ARHGEF28: variants seen among roughly 807,000 people sequenced by gnomAD.
ARHGEF28 encodes the protein Rho guanine nucleotide exchange factor 28.
ARHGEF28 carries 152 observed loss-of-function variants against 206.6 expected under a neutral mutation model. The observed-to-expected ratio is 0.74, with a 90% CI of 0.64 to 0.84. ARHGEF28 has a LOEUF of 0.84. Ranked by LOEUF, ARHGEF28 falls within the 40% of genes least tolerant of loss-of-function variation. ARHGEF28 has a pLI of 0.00. For missense variants in ARHGEF28, 2,028 were observed against 2,073.2 expected (o/e 0.98, Z 0.42); for synonymous variants, 763 against 776.4 (o/e 0.98, Z 0.29).
At chr5:73,637,713 G>A (rs1252470768) in intron 1 of ARHGEF28, among the ~76,000 whole-genome samples, 1 of 152,198 alleles carries the variant, frequency 6.6e-6, no homozygotes, top group Non-Finnish European at 1.5e-5. Context: ...AGTAATTGCT[G>A]TAAGGCAGAC....
rs148010884 is a variant in ARHGEF28, at chr5:73,731,430, G to A, written c.34-18407G>A. ...TTAAAAAATTTGTTCAAAGAGAAGGGGTCTTATGTAATACATAGTGGCCAT... is the reference window on the plus strand; with the variant it reads ...TTAAAAAATTTGTTCAAAGAGAAGGAGTCTTATGTAATACATAGTGGCCAT... On this transcript the variant is annotated intron_variant, in intron 2 of 35. Transcript: ENST00000513042. Among the ~76,000 whole-genome samples the A allele has an allele frequency of 1.4e-3, 218 of 152,148 alleles. 4 individuals carry two copies. Among genetic ancestry groups the A allele is most frequent in the Middle Eastern group, 0.014 (4 of 294 alleles).
At chr5:73,922,864 A>C (rs1335316866) in intron 35 of ARHGEF28, among the ~76,000 whole-genome samples, 1 of 152,164 alleles carries the variant, frequency 6.6e-6, no homozygotes, top group African/African-American at 2.4e-5. Context: ...TTACTTGTTA[A>C]TGTATCCAGA....
chr5:73,725,211 C>T (rs957709138), intron 2 of ARHGEF28, among the ~76,000 whole-genome samples: 21 of 152,176 alleles, frequency 1.4e-4, no homozygotes, highest in African/African-American at 4.8e-4. Context: ...CTAAGAAGTA[C>T]ATTTAATGAT....
chr5:73,880,749 A>C (rs1274741274), intron 22 of ARHGEF28, among the ~76,000 whole-genome samples: 1 of 152,182 alleles, frequency 6.6e-6, no homozygotes, highest in African/African-American at 2.4e-5. Context: ...CCTGAGCATC[A>C]TGATGAATCC....
In ARHGEF28 at chr5:73,664,187, C is replaced by G. The variant is rs1355454194; in HGVS notation, c.-11-20654C>G. Among the ~76,000 whole-genome samples, 8 of 152,360 alleles carry G rather than the reference C, an allele frequency of 5.3e-5. No homozygotes were observed. The East Asian group carries it at 1.3e-3, about 26-fold the overall frequency. Reference sequence around the variant, plus strand: ...CATGCTACTTTTTCTACCAACACAGCTGTGGCCAAGGGGCCAACAACCTGT... The same window carrying G: ...CATGCTACTTTTTCTACCAACACAGGTGTGGCCAAGGGGCCAACAACCTGT... On this transcript the variant is annotated intron_variant, in intron 1 of 35. Coordinates refer to ENST00000513042, the MANE Select transcript of ARHGEF28 (RefSeq NM_001177693.2).
At chr5:73,929,275 C>T (rs895781953) in intron 35 of ARHGEF28, among the ~76,000 whole-genome samples, 1 of 152,218 alleles carries the variant, frequency 6.6e-6, no homozygotes, top group South Asian at 2.1e-4. Context: ...TTCTTCTAGA[C>T]TCCTACCCCC....
At chr5:73,741,775 A>G (rs1167257794) in intron 2 of ARHGEF28, among the ~76,000 whole-genome samples, 1 of 152,094 alleles carries the variant, frequency 6.6e-6, no homozygotes, top group Admixed American at 6.5e-5. Context: ...AATAATGGGT[A>G]TCTTTTACAA....
chr5:73,685,842 T>C (rs2112251463), intron 2 of ARHGEF28, among the ~76,000 whole-genome samples: 1 of 152,134 alleles, frequency 6.6e-6, no homozygotes, highest in South Asian at 2.1e-4. Context: ...AAGATGGTCT[T>C]GATCTCCTGA....
rs1762057388 is a variant in ARHGEF28, at chr5:73,898,038, C to T, written c.3918C>T (p.Asp1306=). ...VSQSCEDSCG[D]SVLADTLSSH... ...AATCATGTGAGGACAGTTGTGGAGACTCTGTCTTGGCGGACACACTCAGTT... is the reference window on the plus strand; with the variant it reads ...AATCATGTGAGGACAGTTGTGGAGATTCTGTCTTGGCGGACACACTCAGTT... Residue 1306 remains aspartate, a synonymous_variant, in exon 30 of 36, where the codon GAC becomes GAT. Transcript: ENST00000513042. The T allele has an allele frequency of 6.2e-7, 1 of 1,610,682 alleles. No homozygotes were observed. Among genetic ancestry groups the T allele is most frequent in the East Asian group, 2.2e-5 (1 of 44,802 alleles).
At chr5:73,810,655 TGGGCCA>T (rs1755788619) in intron 9 of ARHGEF28, among the ~76,000 whole-genome samples, 1 of 152,156 alleles carries the variant, frequency 6.6e-6, no homozygotes, top group African/African-American at 2.4e-5. Context: ...TGCAGATTCC[TGGGCCA>T]CCCTCAGAGA....
At chr5:73,861,293 A>G (rs995163386) in intron 16 of ARHGEF28, among the ~76,000 whole-genome samples, 1 of 149,450 alleles carries the variant, frequency 6.7e-6, no homozygotes, top group African/African-American at 2.5e-5. Flanking sequence ...AATTGCTGAA[A>G]ATATCTAGGA....
intron 6 of ARHGEF28, among the ~76,000 whole-genome samples, chr5:73,777,847 G>A (rs56023111): frequency 1.3e-3 from 197 of 152,212 alleles, no homozygotes; most frequent in Middle Eastern, 3.4e-3. Context: ...TTGGGTAGCC[G>A]AGGTGGGTGG....
intron 2 of ARHGEF28, among the ~76,000 whole-genome samples, chr5:73,721,905 G>C (rs972228051): frequency 6.6e-6 from 1 of 152,220 alleles, no homozygotes; most frequent in African/African-American, 2.4e-5. Context: ...CCCTTTGTTA[G>C]AGATGCTCTT....
chr5:73,876,576 T>C (rs1159532195), intron 22 of ARHGEF28, among the ~76,000 whole-genome samples: 1 of 148,040 alleles, frequency 6.8e-6, no homozygotes, highest in Non-Finnish European at 1.5e-5. Flanking sequence ...ATAGCTCTTA[T>C]TATTTTGAGA....
chr5:73,779,387 G>A lies in ARHGEF28; in HGVS notation c.841-1289G>A, dbSNP rs72770876. ...CAGCTAGGAAATTTAAGTTTTTCAA[G>A]GTATATTCAAAATTACTTATAAGGA... On this transcript the variant is annotated intron_variant, in intron 6 of 35. Transcript: ENST00000513042. 5.4e-3 allele frequency among the ~76,000 whole-genome samples: 822 copies of A among 152,022 alleles called. 4 individuals carry two copies. Among genetic ancestry groups the A allele is most frequent in the Non-Finnish European group, 9.5e-3 (644 of 67,970 alleles).
At chr5:73,739,590 G>A (rs997389727) in intron 2 of ARHGEF28, among the ~76,000 whole-genome samples, 55 of 151,886 alleles carry the variant, frequency 3.6e-4, no homozygotes, top group Admixed American at 1.2e-3. Context: ...AAGCTGAGGC[G>A]GGCGGATCGC....
chr5:73,659,161 A>G, intron 1 of ARHGEF28, among the ~76,000 whole-genome samples: 1 of 152,190 alleles, frequency 6.6e-6, no homozygotes, highest in East Asian at 1.9e-4. Context: ...TCAAGATTTT[A>G]AACTCATTAC....
Position 73,795,265 on chromosome 5 carries a change from A to G in ARHGEF28, c.964-66A>G, listed in dbSNP as rs141338290. ...TTCCAAGGTTGTTTTTCTAGTTCAC[A>G]AAAATAAACATTAGTGTAGCATATA... On this transcript the variant is annotated intron_variant, in intron 8 of 35. Transcript: ENST00000513042. 71 of 1,467,004 alleles carry G rather than the reference A, an allele frequency of 4.8e-5. No homozygotes were observed. In the African/African-American group the frequency reaches 9.7e-4, roughly 20 times the overall value. The allele number at this position is 1,467,004 out of a possible 1,614,324, so 90.9% of individuals were successfully genotyped here. A position where few individuals can be genotyped will look rare whatever the true frequency, so the allele number is the denominator to read the frequency against.
chr5:73,844,640 GT>G (rs59807350), intron 11 of ARHGEF28, among the ~76,000 whole-genome samples: 60,887 of 114,228 alleles, frequency 0.53, 16,927 homozygotes, highest in East Asian at 0.75. Context: ...AAAAGCCTAT[GT>G]TTTTTTTTTT....
Sources: allele counts gnomAD v4.1 joint callset (sites outside exome capture counted in the v4.1 genomes callset), GRCh38; gene constraint gnomAD v4.1.1; transcripts MANE v1.5; gene names NCBI Gene and HGNC (gene_info 2026-07-23, HGNC 2026-07-21).